KCND3: variants seen among roughly 807,000 people sequenced by gnomAD.
KCND3 encodes potassium voltage-gated channel subfamily D member 3.
In KCND3, 9 loss-of-function variants were observed where a neutral mutation model predicts 51.1. The observed-to-expected ratio is 0.18, with a 90% CI of 0.11 to 0.31. The LOEUF (loss-of-function observed/expected upper bound fraction) is 0.31, where lower values mean the gene tolerates loss of function less well. KCND3 is among the 10% of genes least tolerant of loss of function. KCND3 has a pLI of 1.00. For synonymous variants in KCND3, 349 were observed against 368.0 expected (o/e 0.95, Z 0.59); for missense variants, 526 against 903.8 (o/e 0.58, Z 5.36).
chr1:111,976,066 T>C (rs569413154), intron 2 of KCND3, among the ~76,000 whole-genome samples: 4 of 152,360 alleles, frequency 2.6e-5, no homozygotes, highest in East Asian at 3.9e-4. Flanking sequence ...ATTTATTTGC[T>C]GTTGGGTGCT....
intron 2 of KCND3, among the ~76,000 whole-genome samples, chr1:111,930,586 A>T (rs189957148): frequency 8.1e-4 from 108 of 134,038 alleles, no homozygotes; most frequent in African/African-American, 2.6e-3. Context: ...CTGGTCCTTG[A>T]TTCTTGGCTA....
chr1:111,849,764 T>A (rs1667723056), intron 2 of KCND3, among the ~76,000 whole-genome samples: 1 of 152,188 alleles, frequency 6.6e-6, no homozygotes. Context: ...ACCTAGTGTC[T>A]TTTTGCTTAT....
At chr1:111,972,457 C>G (rs1052932258) in intron 2 of KCND3, among the ~76,000 whole-genome samples, 20 of 152,168 alleles carry the variant, frequency 1.3e-4, no homozygotes, top group African/African-American at 4.3e-4. Flanking sequence ...CAGGCGTGAG[C>G]CCCCGCGCCC....
Position 111,780,890 on chromosome 1 carries a change from G to T in KCND3, c.1270-99C>A. Reference sequence around the variant, plus strand: ...GAGGCTGGCTTCCCAGGTGACACCTGATGAAGGGGATGAGGCTGTTTCTCT... The same window carrying T: ...GAGGCTGGCTTCCCAGGTGACACCTTATGAAGGGGATGAGGCTGTTTCTCT... On this transcript the variant is annotated intron_variant, in intron 3 of 7. Coordinates refer to ENST00000302127, the MANE Select transcript of KCND3 (RefSeq NM_001378969.1). This position sits in a 1 kb window ranked among gnomAD's most constrained non-coding sequence, Gnocchi z 4.2. 1.1e-6 allele frequency: 1 copy of T among 893,026 alleles called. No homozygotes were observed. The allele number at this position is 893,026 out of a possible 1,614,324, so 55.3% of individuals were successfully genotyped here. A position where few individuals can be genotyped will look rare whatever the true frequency, so the allele number is the denominator to read the frequency against.
intron 2 of KCND3, among the ~76,000 whole-genome samples, chr1:111,893,402 G>T (rs1194770878): frequency 6.6e-6 from 1 of 152,170 alleles, no homozygotes; most frequent in Admixed American, 6.5e-5. Context: ...TTCAGGGAGT[G>T]CAGAATATGG....
At position 111,851,686 on chromosome 1, in the gene KCND3, C is replaced by G. The variant is rs142715133; in HGVS notation, c.1107-64580G>C. Among the ~76,000 whole-genome samples, 273 of 152,344 alleles carry G rather than the reference C, an allele frequency of 1.8e-3. 1 individual carries two copies. The highest frequency in any genetic ancestry group is 0.01 in the Middle Eastern group (3 of 294). On this transcript the variant is annotated intron_variant, in intron 2 of 7. Transcript: ENST00000302127. The stretch of plus-strand genomic sequence containing the variant: ...AGACGTGAGCTCCTCAGGGACCAAG[C>G]CTGTTCCTCATTCTTCTTGTATTCC...
At chr1:111,906,705 G>C (rs1423747419) in intron 2 of KCND3, among the ~76,000 whole-genome samples, 1 of 152,064 alleles carries the variant, frequency 6.6e-6, no homozygotes, top group African/African-American at 2.4e-5. Context: ...TTTGGGGTTG[G>C]GGGATCAGGT....
chr1:111,786,845 C>T (rs1203219725), intron 3 of KCND3, 99 bp downstream of exon 3: 6 of 1,429,216 alleles, frequency 4.2e-6, no homozygotes, highest in Non-Finnish European at 3.9e-6. Context: ...CAGAGGCCAT[C>T]TGTGCAGTGA....
At chr1:111,975,235 A>C (rs1341316474) in intron 2 of KCND3, among the ~76,000 whole-genome samples, 2 of 152,076 alleles carry the variant, frequency 1.3e-5, no homozygotes, top group Non-Finnish European at 2.9e-5. Context: ...TGATGCTACA[A>C]CTCAGGTGCT....
chr1:111,921,808 T>C (rs900500247), intron 2 of KCND3, among the ~76,000 whole-genome samples: 9 of 152,060 alleles, frequency 5.9e-5, no homozygotes, highest in Admixed American at 5.9e-4. Flanking sequence ...ATTTTTTTCA[T>C]TGCATGAAAA....
chr1:111,800,387 CAG>C (rs1240318591), intron 2 of KCND3, among the ~76,000 whole-genome samples: 1 of 99,974 alleles, frequency 1.0e-5, no homozygotes, highest in East Asian at 2.6e-4. Context: ...CTCAAGTAAT[CAG>C]GGACACAAAC....
intron 2 of KCND3, among the ~76,000 whole-genome samples, chr1:111,930,152 G>T (rs938437473): frequency 2.0e-5 from 3 of 151,830 alleles, no homozygotes; most frequent in Admixed American, 2.0e-4. Context: ...CACTGTTTTC[G>T]GTTTTTGTTT....
At chr1:111,961,367 G>A (rs1673646516) in intron 2 of KCND3, among the ~76,000 whole-genome samples, 1 of 152,166 alleles carries the variant, frequency 6.6e-6, no homozygotes, top group Non-Finnish European at 1.5e-5. Context: ...ATAAATAATT[G>A]TTTCCTCGTT....
At chr1:111,874,583 T>A (rs1190618180) in intron 2 of KCND3, among the ~76,000 whole-genome samples, 1 of 152,202 alleles carries the variant, frequency 6.6e-6, no homozygotes, top group Non-Finnish European at 1.5e-5. Context: ...TTATACTTCT[T>A]ACTCATAAAG....
chr1:111,806,777 TA>T (rs1665591143), intron 2 of KCND3, among the ~76,000 whole-genome samples: 1 of 152,204 alleles, frequency 6.6e-6, no homozygotes, highest in African/African-American at 2.4e-5. Context: ...CCCTTGCCTT[TA>T]AAAAAAGTTA....
At chr1:111,888,075 A>G (rs1016641772) in intron 2 of KCND3, among the ~76,000 whole-genome samples, 1 of 152,218 alleles carries the variant, frequency 6.6e-6, no homozygotes, top group South Asian at 2.1e-4. Flanking sequence ...CAGAGAGGGC[A>G]GAGGAGCTGG....
chr1:111,928,199 T>A (rs1671803142), intron 2 of KCND3, among the ~76,000 whole-genome samples: 1 of 152,188 alleles, frequency 6.6e-6, no homozygotes, highest in African/African-American at 2.4e-5. Flanking sequence ...TATCACCAAA[T>A]GATTAGAACA....
chr1:111,811,894 C>T (rs1665868058), intron 2 of KCND3, among the ~76,000 whole-genome samples: 1 of 152,160 alleles, frequency 6.6e-6, no homozygotes, highest in Admixed American at 6.5e-5. Context: ...TTTTTCCCCA[C>T]CTGCCTGTTT....
intron 2 of KCND3, among the ~76,000 whole-genome samples, chr1:111,965,606 A>G (rs1036255773): frequency 2.0e-5 from 3 of 151,840 alleles, no homozygotes; most frequent in Admixed American, 1.3e-4. Flanking sequence ...ACCCTCCTAT[A>G]AGTTCTAGCT....
Sources: allele counts gnomAD v4.1 joint callset (sites outside exome capture counted in the v4.1 genomes callset), GRCh38; gene constraint gnomAD v4.1.1; non-coding constraint Gnocchi (gnomAD v3.1); transcripts MANE v1.5; gene names NCBI Gene and HGNC (gene_info 2026-07-23, HGNC 2026-07-21).